The following LDLRAD4 variants were observed in gnomAD, a reference collection of about 807,000 sequenced individuals.
LDLRAD4 encodes the protein low-density lipoprotein receptor class A domain-containing protein 4.
In LDLRAD4, 5 loss-of-function variants were observed where a neutral mutation model predicts 17.0. The ratio of observed to expected loss-of-function variants is 0.29; its 90% CI spans 0.15 to 0.62. The LOEUF is 0.62. Ranked by LOEUF, LDLRAD4 falls within the 20% of genes least tolerant of loss-of-function variation. The probability of loss-of-function intolerance (pLI) is 0.84; values close to 1 mark genes in which losing one functional copy is unlikely to be tolerated. For synonymous variants in LDLRAD4, 168 were observed against 171.8 expected, an observed-to-expected ratio of 0.98 and a Z score of 0.17; for missense variants, 340 against 424.7, an observed-to-expected ratio of 0.80 and a Z score of 1.75.
At chr18:13,463,598 G>A (rs914938698) in intron 3 of LDLRAD4, among the ~76,000 whole-genome samples, 1 of 152,170 alleles carries the variant, frequency 6.6e-6, no homozygotes, top group Admixed American at 6.5e-5. Flanking sequence ...ACATCATCTA[G>A]TGTTCACCTC....
chr18:13,563,791 T>G (rs552837001), intron 3 of LDLRAD4, among the ~76,000 whole-genome samples: 3 of 152,330 alleles, frequency 2.0e-5, no homozygotes, highest in Admixed American at 6.5e-5. Flanking sequence ...TCAAGGATCT[T>G]TAAACAGATG....
intron 3 of LDLRAD4, among the ~76,000 whole-genome samples, chr18:13,618,101 G>A (rs963895513): frequency 5.3e-5 from 8 of 152,188 alleles, no homozygotes; most frequent in African/African-American, 1.7e-4. Flanking sequence ...CCACCAGCTG[G>A]AGAAGGCAAA....
chr18:13,621,066 G>A lies in LDLRAD4; in HGVS notation c.182-51G>A. On this transcript the variant is annotated intron_variant, in intron 3 of 5. Transcript: ENST00000359446. The surrounding 1 kb of genome is among the most constrained non-coding windows in gnomAD (Gnocchi z 5.5). ...GGGTGGTGACAGTGCCTGGAGAATG[G>A]GTGGGGACTGGAGGGGCCAGGTGGC... 1.2e-6 allele frequency: 2 copies of A among 1,613,214 alleles called. No individual in the cohort carries two copies. Among genetic ancestry groups the A allele is most frequent in the African/African-American group, 1.3e-5 (1 of 75,062 alleles).
intron 3 of LDLRAD4, among the ~76,000 whole-genome samples, chr18:13,508,285 G>A (rs1056146270): frequency 2.6e-5 from 4 of 152,238 alleles, no homozygotes; most frequent in African/African-American, 9.6e-5. Context: ...TCAAAGTGCA[G>A]GGTAAAGCAG....
In LDLRAD4 at chr18:13,599,651, C is replaced by T. The variant is rs536133794; in HGVS notation, c.182-21466C>T. Among the ~76,000 whole-genome samples the T allele has an allele frequency of 1.5e-3, 226 of 152,034 alleles. 2 individuals carry two copies. Among genetic ancestry groups the T allele is most frequent in the Non-Finnish European group, 2.6e-3 (179 of 67,968 alleles). On this transcript the variant is annotated intron_variant, in intron 3 of 5. Transcript: ENST00000359446. ...GACTACAGGCGCCCGCCACCACACC[C>T]GGCTAATTTTTTTGTATTTTTAGTA...
chr18:13,226,221 A>G (rs543730457), intron 1 of LDLRAD4, among the ~76,000 whole-genome samples: 1 of 103,508 alleles, frequency 9.7e-6, no homozygotes, highest in East Asian at 3.4e-4. Context: ...GGGTTTCGCC[A>G]TGTTGCCCAG....
At position 13,371,495 on chromosome 18, in the gene LDLRAD4, G is replaced by A. The variant is rs139872327; in HGVS notation, c.-382-15846G>A. On this transcript the variant is annotated intron_variant, in intron 1 of 5. Transcript: ENST00000359446. ...CATCAGAACCCACAGTTGGCCGGGC[G>A]CAGTGGCTCAAACCTGTAATCCCAG... Among the ~76,000 whole-genome samples, 86 of 152,298 alleles carry A rather than the reference G, an allele frequency of 5.6e-4. No individual in the cohort carries two copies. In the East Asian group the frequency reaches 0.016, roughly 28 times the overall value.
At chr18:13,364,718 G>C (rs553363320) in intron 1 of LDLRAD4, among the ~76,000 whole-genome samples, 3 of 152,118 alleles carry the variant, frequency 2.0e-5, no homozygotes, top group African/African-American at 7.2e-5. Flanking sequence ...CTCAGTGGAC[G>C]CACTTTGTTC....
chr18:13,470,281 T>G (rs2092732523), intron 3 of LDLRAD4, among the ~76,000 whole-genome samples: 1 of 152,178 alleles, frequency 6.6e-6, no homozygotes, highest in Non-Finnish European at 1.5e-5. Flanking sequence ...AATAAGTGTT[T>G]CCTGCGTATT....
intron 4 of LDLRAD4, among the ~76,000 whole-genome samples, chr18:13,636,557 G>A (rs1227410121): frequency 1.6e-4 from 10 of 62,220 alleles, no homozygotes; most frequent in Non-Finnish European, 3.7e-4. Context: ...GTGCAGCGGC[G>A]CGATCTCTGC....
At chr18:13,617,481 C>A (rs1302079116) in intron 3 of LDLRAD4, among the ~76,000 whole-genome samples, 2 of 151,996 alleles carry the variant, frequency 1.3e-5, no homozygotes, top group Non-Finnish European at 2.9e-5. Context: ...GAGGACCTTC[C>A]CAATCAAACA....
chr18:13,611,687 T>A, intron 3 of LDLRAD4: 1 of 985,420 alleles, frequency 1.0e-6, no homozygotes, highest in South Asian at 4.7e-5. Flanking sequence ...GCATCCTGAC[T>A]TTGAAGGAGT....
At chr18:13,572,515 C>T (rs919238793) in intron 3 of LDLRAD4, among the ~76,000 whole-genome samples, 1 of 152,200 alleles carries the variant, frequency 6.6e-6, no homozygotes, top group African/African-American at 2.4e-5. Context: ...AGGGATCCTT[C>T]AGTCCTTGTC....
chr18:13,271,403 C>T (rs2044531287), intron 1 of LDLRAD4, among the ~76,000 whole-genome samples: 1 of 152,140 alleles, frequency 6.6e-6, no homozygotes, highest in Non-Finnish European at 1.5e-5. Flanking sequence ...CTGTAGAAGG[C>T]CCATTTCCCA....
rs1223299426 is a variant in LDLRAD4 at position 13,620,937 on chromosome 18, CTG to C, written c.182-177_182-176del. The C allele has an allele frequency of 7.1e-6, 6 of 846,060 alleles. No homozygotes were observed. The African/African-American group carries it at 1.0e-4, about 14-fold the overall frequency. The allele number at this position is 846,060 out of a possible 1,614,324, so 52.4% of individuals were successfully genotyped here. On this transcript the variant is annotated intron_variant, in intron 3 of 5. Transcript: ENST00000359446. ...GCAGCTGGTTTGCACAGCCTCCCGACTGTGCCGTGGTGTCTCCTTCCCTAAAG... is the reference window on the plus strand; with the variant it reads ...GCAGCTGGTTTGCACAGCCTCCCGACTGCCGTGGTGTCTCCTTCCCTAAAG...
chr18:13,595,375 T>G (rs932808140), intron 3 of LDLRAD4, among the ~76,000 whole-genome samples: 2 of 152,240 alleles, frequency 1.3e-5, no homozygotes, highest in Non-Finnish European at 2.9e-5. Flanking sequence ...AGAGTATTCC[T>G]GTAGCTGTAT....
At chr18:13,442,450 C>T (rs1232128843) in intron 3 of LDLRAD4, among the ~76,000 whole-genome samples, 1 of 152,264 alleles carries the variant, frequency 6.6e-6, no homozygotes, top group African/African-American at 2.4e-5. Flanking sequence ...AGAGCATGAG[C>T]GTAGGTTGGC....
rs1183620377 is a variant in LDLRAD4, at chr18:13,619,514, CCGGGGGGGGG to C, written c.182-1596_182-1587del. Among the ~76,000 whole-genome samples, 49 of 11,352 alleles carry C rather than the reference CCGGGGGGGGG, an allele frequency of 4.3e-3. 2 individuals are homozygous for C. The highest frequency in any genetic ancestry group is 0.025 in the African/African-American group (47 of 1,910). The allele number at this position is 11,352 out of a possible 152,430, so 7.4% of individuals were successfully genotyped here. On this transcript the variant is annotated intron_variant, in intron 3 of 5. Transcript: ENST00000359446. ...TGTGTGTGTGGGTGGGGGGGTGGGG[CCGGGGGGGGG>C]CGGGGGTGGCACATATAAGTGTGGC...
At chr18:13,360,298 A>T (rs1233211008) in intron 1 of LDLRAD4, among the ~76,000 whole-genome samples, 1 of 152,232 alleles carries the variant, frequency 6.6e-6, no homozygotes, top group Admixed American at 6.5e-5. Flanking sequence ...TCCTGTAGAG[A>T]TTCCCTTCTC....
Sources: allele counts gnomAD v4.1 joint callset (sites outside exome capture counted in the v4.1 genomes callset), GRCh38; gene constraint gnomAD v4.1.1; non-coding constraint Gnocchi (gnomAD v3.1); transcripts MANE v1.5; gene names NCBI Gene and HGNC (gene_info 2026-07-23, HGNC 2026-07-21).